The following AFG1L variants were observed in gnomAD, a reference collection of about 807,000 sequenced individuals.
AFG1L encodes the protein AFG1 like ATPase.
A neutral mutation model predicts 62.2 loss-of-function variants in AFG1L; 53 were observed. The observed-to-expected ratio is 0.85, with a 90% confidence interval of 0.68 to 1.07. The LOEUF (loss-of-function observed/expected upper bound fraction) is 1.07, where lower values mean the gene tolerates loss of function less well. Ranked by LOEUF, AFG1L falls within the 50% of genes least tolerant of loss-of-function variation. The probability of loss-of-function intolerance (pLI) is 0.00; values close to 1 mark genes in which losing one functional copy is unlikely to be tolerated. For missense variants in AFG1L, 555 were observed against 590.5 expected, an observed-to-expected ratio of 0.94 and a Z score of 0.62; for synonymous variants, 228 against 210.3, an observed-to-expected ratio of 1.08 and a Z score of -0.73.
intron 8 of AFG1L, among the ~76,000 whole-genome samples, chr6:108,465,903 T>A (rs1312451252): frequency 1.3e-5 from 2 of 152,102 alleles, no homozygotes; most frequent in African/African-American, 2.4e-5. Context: ...GACACTTTTT[T>A]AAAGTGTCAC....
At chr6:108,516,810 G>T (rs1042583104) in intron 11 of AFG1L, among the ~76,000 whole-genome samples, 1 of 152,102 alleles carries the variant, frequency 6.6e-6, no homozygotes, top group Non-Finnish European at 1.5e-5. Flanking sequence ...AAAGTCTCAG[G>T]ATACAAAATC....
At chr6:108,504,233 T>C (rs555716495) in intron 10 of AFG1L, among the ~76,000 whole-genome samples, 1 of 152,388 alleles carries the variant, frequency 6.6e-6, no homozygotes, top group East Asian at 1.9e-4. Context: ...GTCTTGACTT[T>C]TGACATGCCT....
chr6:108,318,277 CAAAG>C (rs968739686), intron 1 of AFG1L: 19 of 310,566 alleles, frequency 6.1e-5, no homozygotes, highest in African/African-American at 2.5e-4. Context: ...GGCTAAAACA[CAAAG>C]AAGACTGTGC....
At chr6:108,339,777 G>A (rs1778611556) in intron 2 of AFG1L, among the ~76,000 whole-genome samples, 1 of 151,950 alleles carries the variant, frequency 6.6e-6, no homozygotes, top group Admixed American at 6.6e-5. Flanking sequence ...TAATTTTTGT[G>A]GGTATATAGT....
At chr6:108,485,637 T>TATATATATAC (rs1773515252) in intron 10 of AFG1L, among the ~76,000 whole-genome samples, 1 of 15,474 alleles carries the variant, frequency 6.5e-5, no homozygotes, top group Non-Finnish European at 1.3e-4. Flanking sequence ...TATATATATA[T>TATATATATAC]ATATATATAT....
At chr6:108,401,073 A>AGTAG (rs1781582428) in intron 6 of AFG1L, among the ~76,000 whole-genome samples, 1 of 147,094 alleles carries the variant, frequency 6.8e-6, no homozygotes, top group Non-Finnish European at 1.5e-5. Flanking sequence ...GGTTCAAGTG[A>AGTAG]TTCTCCTCCC....
intron 1 of AFG1L, among the ~76,000 whole-genome samples, chr6:108,297,858 CAAAAAA>C (rs774320900): frequency 4.4e-5 from 2 of 45,132 alleles, no homozygotes; most frequent in Admixed American, 2.4e-4. Context: ...GAACCTGTCT[CAAAAAA>C]AAAAAAAAAA....
chr6:108,512,721 G>T (rs753177396), intron 11 of AFG1L, among the ~76,000 whole-genome samples: 1 of 140,446 alleles, frequency 7.1e-6, no homozygotes, highest in Non-Finnish European at 1.5e-5. Flanking sequence ...CTTCTTAATC[G>T]AAGGAAAAAA....
intron 8 of AFG1L, among the ~76,000 whole-genome samples, chr6:108,474,922 A>G (rs1484335625): frequency 6.6e-6 from 1 of 152,050 alleles, no homozygotes; most frequent in Non-Finnish European, 1.5e-5. Context: ...TTTTGCCTTC[A>G]TTGCAATTGC....
chr6:108,477,019 C>T, intron 9 of AFG1L, 84 bp downstream of exon 9: 1 of 1,261,698 alleles, frequency 7.9e-7, no homozygotes, highest in East Asian at 2.3e-5. Flanking sequence ...AGTTCCATTG[C>T]TGTATATGGG....
chr6:108,425,958 T>C (rs1157814988), intron 7 of AFG1L, among the ~76,000 whole-genome samples: 1 of 152,152 alleles, frequency 6.6e-6, no homozygotes, highest in Non-Finnish European at 1.5e-5. Context: ...TCTTTTCATC[T>C]TCAGATAAAG....
chr6:108,477,384 C>T, intron 10 of AFG1L, 92 bp downstream of exon 10: 1 of 654,138 alleles, frequency 1.5e-6, no homozygotes, highest in Non-Finnish European at 2.5e-6. Flanking sequence ...TTTTAAAATA[C>T]CATTCACAGA....
At chr6:108,504,276 C>T (rs1278629034) in intron 10 of AFG1L, among the ~76,000 whole-genome samples, 1 of 152,184 alleles carries the variant, frequency 6.6e-6, no homozygotes, top group African/African-American at 2.4e-5. Context: ...CTAGCTTTAG[C>T]TTTTATATGA....
chr6:108,498,915 A>G (rs895533486), intron 10 of AFG1L, among the ~76,000 whole-genome samples: 8 of 152,158 alleles, frequency 5.3e-5, no homozygotes, highest in African/African-American at 1.7e-4. Flanking sequence ...CAGAGACTGC[A>G]GTGAGCCAAG....
chr6:108,337,869 T>C (rs1355427319), intron 2 of AFG1L, among the ~76,000 whole-genome samples: 2 of 152,212 alleles, frequency 1.3e-5, no homozygotes, highest in Non-Finnish European at 2.9e-5. Context: ...TCTGTTTTTG[T>C]TACTAAATCC....
chr6:108,313,827 ACT>A (rs1188222738), intron 1 of AFG1L, among the ~76,000 whole-genome samples: 1 of 152,218 alleles, frequency 6.6e-6, no homozygotes, highest in Admixed American at 6.5e-5. Flanking sequence ...GGCATGATCC[ACT>A]GAGTCCAGCC....
intron 10 of AFG1L, among the ~76,000 whole-genome samples, chr6:108,489,989 C>T (rs114570529): frequency 2.3e-4 from 35 of 152,262 alleles, no homozygotes; most frequent in African/African-American, 7.9e-4. Context: ...AGCCAGAGGA[C>T]TAGTATAGTT....
intron 2 of AFG1L, among the ~76,000 whole-genome samples, chr6:108,327,966 C>G (rs1248052361): frequency 6.6e-6 from 1 of 152,188 alleles, no homozygotes; most frequent in East Asian, 1.9e-4. Context: ...CAGTTGCTCT[C>G]AGAAGTGGAC....
chr6:108,369,522 G>C (rs762942793), intron 6 of AFG1L, among the ~76,000 whole-genome samples: 3 of 151,748 alleles, frequency 2.0e-5, no homozygotes, highest in Non-Finnish European at 4.4e-5. Flanking sequence ...TCAAAGTACT[G>C]TATTAAAAAA....
Sources: allele counts gnomAD v4.1 joint callset (sites outside exome capture counted in the v4.1 genomes callset), GRCh38; gene constraint gnomAD v4.1.1; transcripts MANE v1.5; gene names NCBI Gene and HGNC (gene_info 2026-07-23, HGNC 2026-07-21).